SMARCA1: variants seen among roughly 807,000 people sequenced by gnomAD.
SMARCA1 encodes SWI/SNF-related matrix-associated actin-dependent regulator of chromatin subfamily A member 1.
SMARCA1 carries 17 observed loss-of-function variants against 93.6 expected under a neutral mutation model. The ratio of observed to expected loss-of-function variants is 0.18; its 90% confidence interval spans 0.12 to 0.27. The LOEUF is 0.27. Ranked by LOEUF, SMARCA1 falls within the 10% of genes least tolerant of loss-of-function variation. SMARCA1 has a pLI of 1.00. For missense variants in SMARCA1, 630 were observed against 819.0 expected (o/e 0.77, Z 2.82); for synonymous variants, 271 against 271.4 (o/e 1.00, Z 0.01).
chrX:129,477,355 C>G (rs1397063182), intron 19 of SMARCA1, among the ~76,000 whole-genome samples: 3 of 111,458 alleles, frequency 2.7e-5, no homozygotes, highest in Non-Finnish European at 5.7e-5. Context: ...GAAATCCAGA[C>G]CATCCTGGCC....
chrX:129,490,544 A>G (rs967689871), intron 14 of SMARCA1, among the ~76,000 whole-genome samples: 1 of 112,087 alleles, frequency 8.9e-6, no homozygotes, highest in African/African-American at 3.2e-5. Context: ...TAGGGTTGCT[A>G]TGGTGGCAAA....
chrX:129,472,867 T>C (rs1933199369), intron 19 of SMARCA1, among the ~76,000 whole-genome samples: 1 of 111,678 alleles, frequency 9.0e-6, no homozygotes, highest in East Asian at 2.8e-4. Context: ...AGTTTTGGAT[T>C]TTGGAACATG....
At chrX:129,504,629 C>T (rs1934743071) in intron 9 of SMARCA1, 105 bp downstream of exon 9, 2 of 422,832 alleles carry the variant, frequency 4.7e-6, no homozygotes, top group African/African-American at 5.6e-5. Flanking sequence ...TGACATTGAG[C>T]CAAGAGGCAA....
intron 19 of SMARCA1, among the ~76,000 whole-genome samples, chrX:129,479,191 CACTA>C (rs1933529320): frequency 8.9e-6 from 1 of 111,806 alleles, no homozygotes; most frequent in South Asian, 3.7e-4. Context: ...TTTCAAGTCT[CACTA>C]ACAACAGTTA....
At chrX:129,460,357 T>C (rs975227959) in intron 23 of SMARCA1, among the ~76,000 whole-genome samples, 6 of 109,767 alleles carry the variant, frequency 5.5e-5, no homozygotes, top group Non-Finnish European at 1.1e-4. Flanking sequence ...CTCTAAAATA[T>C]CAATATTAGG....
chrX:129,465,412 C>T (rs1419182835), intron 23 of SMARCA1, 108 bp downstream of exon 23: 2 of 503,341 alleles, frequency 4.0e-6, no homozygotes, highest in Non-Finnish European at 6.9e-6. Flanking sequence ...AAAGAGAGAG[C>T]GCCAATGTGT....
intron 14 of SMARCA1, among the ~76,000 whole-genome samples, chrX:129,490,840 T>A (rs1458497803): frequency 2.7e-5 from 3 of 111,168 alleles, no homozygotes. Context: ...GTACTAAATA[T>A]AAAAACACTA....
intron 17 of SMARCA1, among the ~76,000 whole-genome samples, chrX:129,486,578 A>G (rs1217002311): frequency 2.7e-5 from 3 of 111,466 alleles, no homozygotes; most frequent in Non-Finnish European, 5.6e-5. Flanking sequence ...TAATAACTTT[A>G]TGAGTATTAA....
At chrX:129,509,935 T>C (rs6529384) in intron 6 of SMARCA1, among the ~76,000 whole-genome samples, 11,144 of 111,680 alleles carry the variant, frequency 0.1, 476 homozygotes, top group East Asian at 0.32. Flanking sequence ...TACTAAAATA[T>C]TACCTTCATA....
intron 23 of SMARCA1, among the ~76,000 whole-genome samples, chrX:129,458,441 CAA>C (rs1290239482): frequency 8.9e-6 from 1 of 111,851 alleles, no homozygotes; most frequent in Non-Finnish European, 1.9e-5. Context: ...CAAAGTCACT[CAA>C]GTTTCAATTT....
chrX:129,461,520 A>G (rs1435551044), intron 23 of SMARCA1, among the ~76,000 whole-genome samples: 1 of 111,864 alleles, frequency 8.9e-6, no homozygotes, highest in African/African-American at 3.2e-5. Flanking sequence ...TCGTCACTCA[A>G]TGAACAGAGA....
At chrX:129,448,610 G>A (rs781612666) in intron 23 of SMARCA1, among the ~76,000 whole-genome samples, 167 bp from the exon 24 acceptor site, 15 of 110,964 alleles carry the variant, frequency 1.4e-4, no homozygotes, top group South Asian at 3.8e-4. Context: ...AATTAGGAGT[G>A]GGGGTAAATG....
intron 20 of SMARCA1, among the ~76,000 whole-genome samples, chrX:129,469,202 C>G (rs1933009684): frequency 9.0e-6 from 1 of 111,017 alleles, no homozygotes; most frequent in Non-Finnish European, 1.9e-5. Flanking sequence ...AATAAAAATG[C>G]TAATATAAAT....
At chrX:129,514,803 A>T (rs774189089) in intron 5 of SMARCA1, among the ~76,000 whole-genome samples, 5 of 111,721 alleles carry the variant, frequency 4.5e-5, no homozygotes, top group Non-Finnish European at 7.5e-5. Flanking sequence ...TAATCCCAGC[A>T]CTCTGGGAGG....
At chrX:129,465,481 TA>T in intron 23 of SMARCA1, 38 bp downstream of exon 23, 1 of 1,018,767 alleles carries the variant, frequency 9.8e-7, no homozygotes, top group Non-Finnish European at 1.3e-6. Flanking sequence ...TTTTTCAAAA[TA>T]AAAAGTTGGA....
chrX:129,489,114 T>C (rs1313264363), intron 15 of SMARCA1, 29 bp from the exon 16 acceptor site: 1 of 1,006,123 alleles, frequency 9.9e-7, no homozygotes, highest in Admixed American at 2.3e-5. Context: ...ATTGTACATA[T>C]TCAATCAATC....
intron 12 of SMARCA1, 58 bp downstream of exon 12, chrX:129,496,692 A>C: frequency 9.1e-7 from 1 of 1,103,975 alleles, no homozygotes; most frequent in Non-Finnish European, 1.2e-6. Context: ...TAATGTTGAT[A>C]TACATTGCTT....
chrX:129,448,638 G>A (rs1569420471), intron 23 of SMARCA1, among the ~76,000 whole-genome samples, 195 bp from the exon 24 acceptor site: 3 of 110,304 alleles, frequency 2.7e-5, no homozygotes, highest in Non-Finnish European at 1.9e-5. Flanking sequence ...TGGATGACTG[G>A]TTAAACAAAC....
At chrX:129,451,637 C>A (rs1340701833) in intron 23 of SMARCA1, among the ~76,000 whole-genome samples, 1 of 109,586 alleles carries the variant, frequency 9.1e-6, no homozygotes, top group Non-Finnish European at 1.9e-5. Context: ...AAGGAATGGA[C>A]AAGTATGGGT....
Sources: allele counts gnomAD v4.1 joint callset (sites outside exome capture counted in the v4.1 genomes callset), GRCh38; gene constraint gnomAD v4.1.1; transcripts MANE v1.5; gene names NCBI Gene and HGNC (gene_info 2026-07-23, HGNC 2026-07-21).